The following AK9 variants were observed in gnomAD, a reference collection of about 807,000 sequenced individuals.
The protein encoded by AK9 is adenylate kinase domain containing 1.
A neutral mutation model predicts 239.6 loss-of-function variants in AK9; 191 were observed. The observed-to-expected ratio is 0.80, with a 90% confidence interval of 0.71 to 0.90. The LOEUF is 0.90. Ranked by LOEUF, AK9 falls within the 40% of genes least tolerant of loss-of-function variation. The probability of loss-of-function intolerance (pLI) is 0.00; values close to 1 mark genes in which losing one functional copy is unlikely to be tolerated. For missense variants in AK9, 1,995 were observed against 2,214.7 expected (o/e 0.90, Z 1.99); for synonymous variants, 689 against 721.0 (o/e 0.96, Z 0.71).
chr6:109,680,419 G>A (rs1359908664), intron 1 of AK9, among the ~76,000 whole-genome samples: 1 of 152,216 alleles, frequency 6.6e-6, no homozygotes, highest in East Asian at 1.9e-4. Context: ...AGAATAAAAA[G>A]GAACAAACAA....
At chr6:109,667,286 C>A (rs1801330386) in intron 5 of AK9, among the ~76,000 whole-genome samples, 1 of 132,764 alleles carries the variant, frequency 7.5e-6, no homozygotes, top group South Asian at 3.2e-4. Flanking sequence ...CCTCACCCAG[C>A]CCCCCACTCA....
intron 24 of AK9, among the ~76,000 whole-genome samples, chr6:109,550,762 T>G (rs977333946): frequency 2.0e-5 from 3 of 152,244 alleles, no homozygotes; most frequent in Non-Finnish European, 2.9e-5. Context: ...GGAAATATCC[T>G]ATTTAGCTCA....
At chr6:109,546,677 G>A (rs1447929853) in intron 25 of AK9, among the ~76,000 whole-genome samples, 1 of 152,166 alleles carries the variant, frequency 6.6e-6, no homozygotes, top group Non-Finnish European at 1.5e-5. Context: ...AAGGAGGAAC[G>A]GGGCTTCTTG....
At chr6:109,679,373 A>C (rs886321154) in intron 1 of AK9, among the ~76,000 whole-genome samples, 7 of 145,320 alleles carry the variant, frequency 4.8e-5, no homozygotes, top group Admixed American at 1.4e-4. Context: ...CAGCTCAGCA[A>C]AGCCTCTGTA....
At chr6:109,654,874 C>A (rs956318288) in intron 8 of AK9, among the ~76,000 whole-genome samples, 1 of 152,184 alleles carries the variant, frequency 6.6e-6, no homozygotes, top group Non-Finnish European at 1.5e-5. Flanking sequence ...CTTGGAGACA[C>A]ACTGAACTTT....
intron 17 of AK9, among the ~76,000 whole-genome samples, chr6:109,601,459 G>A (rs1006931811): frequency 1.3e-5 from 2 of 152,124 alleles, no homozygotes; most frequent in African/African-American, 2.4e-5. Flanking sequence ...TTATATTTCT[G>A]TTCTTTTACA....
chr6:109,546,338 A>C (rs561753751), intron 25 of AK9, among the ~76,000 whole-genome samples: 1 of 152,334 alleles, frequency 6.6e-6, no homozygotes, highest in African/African-American at 2.4e-5. Flanking sequence ...AGCACCAACA[A>C]CCATATATGA....
intron 24 of AK9, among the ~76,000 whole-genome samples, chr6:109,551,389 C>T (rs910273087): frequency 2.0e-5 from 3 of 151,724 alleles, no homozygotes; most frequent in South Asian, 2.1e-4. Context: ...CATGGTGGCG[C>T]GTGCCTGTAA....
intron 8 of AK9, among the ~76,000 whole-genome samples, chr6:109,651,196 C>A (rs1208492247): frequency 1.3e-5 from 2 of 151,534 alleles, no homozygotes; most frequent in African/African-American, 4.9e-5. Flanking sequence ...CAAACCTGCA[C>A]GTTGTGCACA....
At chr6:109,506,595 C>A in intron 34 of AK9, 48 bp from the exon 35 acceptor site, 2 of 1,538,296 alleles carry the variant, frequency 1.3e-6, no homozygotes, top group East Asian at 2.5e-5. Flanking sequence ...AAAAACATAT[C>A]TTTTCCCCCG....
chr6:109,623,862 GACACACACACAC>G lies in AK9; in HGVS notation c.1255-4638_1255-4627del, dbSNP rs567410173. Among the ~76,000 whole-genome samples, 13 of 136,190 alleles carry G rather than the reference GACACACACACAC, an allele frequency of 9.5e-5. No homozygotes were observed. The South Asian group carries it at 1.2e-3, about 13-fold the overall frequency. The allele number at this position is 136,190 out of a possible 152,430, so 89.3% of individuals were successfully genotyped here. A position where few individuals can be genotyped will look rare whatever the true frequency, so the allele number is the denominator to read the frequency against. ...AATGATGAACTAGTTAGGAATCTTA[GACACACACACAC>G]ACACACACACACACACACACACACA... On this transcript the variant is annotated intron_variant, in intron 12 of 40. Transcript: ENST00000424296.
chr6:109,534,225 A>AG (rs1176080598), intron 27 of AK9, among the ~76,000 whole-genome samples: 1 of 148,666 alleles, frequency 6.7e-6, no homozygotes, highest in Non-Finnish European at 1.5e-5. Context: ...CTTCTCAAAA[A>AG]AAAAAAAGAA....
chr6:109,521,429 C>G (rs978416192), intron 29 of AK9, among the ~76,000 whole-genome samples: 6 of 144,986 alleles, frequency 4.1e-5, no homozygotes, highest in African/African-American at 1.5e-4. Flanking sequence ...ATTGAGCTGT[C>G]CTCTTTAGAT....
intron 5 of AK9, among the ~76,000 whole-genome samples, chr6:109,663,337 G>A (rs2128320716): frequency 6.6e-6 from 1 of 152,122 alleles, no homozygotes; most frequent in Middle Eastern, 3.4e-3. Context: ...TCCTTCAGTG[G>A]GAATTAAAAG....
intron 24 of AK9, among the ~76,000 whole-genome samples, chr6:109,559,167 G>GTTT (rs79796830): frequency 0.54 from 78,583 of 144,910 alleles, 22,628 homozygotes; most frequent in South Asian, 0.77. Context: ...ATATCTATCT[G>GTTT]TTTTTTTTTT....
At chr6:109,586,102 T>C in intron 17 of AK9, 30 bp from the exon 18 acceptor site, 1 of 1,519,124 alleles carries the variant, frequency 6.6e-7, no homozygotes, top group East Asian at 2.5e-5. Flanking sequence ...GATATTACTA[T>C]CATAGCTTGA....
intron 17 of AK9, among the ~76,000 whole-genome samples, chr6:109,602,591 T>C (rs1792183268): frequency 6.6e-6 from 1 of 152,178 alleles, no homozygotes; most frequent in South Asian, 2.1e-4. Context: ...TGTGGCGTTC[T>C]CTGTATTTCC....
At position 109,691,163 on chromosome 6, in the gene AK9, C is replaced by T. The variant is rs976044855; in HGVS notation, c.-28G>A. The T allele has an allele frequency of 1.4e-5, 8 of 569,610 alleles. No individual in the cohort carries two copies. The highest frequency in any genetic ancestry group is 1.1e-4 in the South Asian group (5 of 45,592). 35.3% of individuals were successfully genotyped at this position (569,610 alleles called of 1,614,324 possible). On this transcript the variant is annotated 5_prime_UTR_variant, in exon 1 of 41. Coordinates refer to ENST00000424296, the MANE Select transcript of AK9 (RefSeq NM_001145128.3). Reference sequence around the variant, plus strand: ...AATCCTTACCAAAGATGGTGCCCTTCGCTTCCTCTCTCGGCAGCACGCAGG... The same window carrying T: ...AATCCTTACCAAAGATGGTGCCCTTTGCTTCCTCTCTCGGCAGCACGCAGG...
chr6:109,549,810 C>T (rs1260799075), intron 25 of AK9: 9 of 221,854 alleles, frequency 4.1e-5, no homozygotes, highest in African/African-American at 1.6e-4. Context: ...GGACTACAGG[C>T]GCGCGCCACC....
Sources: gnomAD v4.1 joint callset for allele counts (sites outside exome capture counted in the v4.1 genomes callset) on GRCh38, gnomAD v4.1.1 for gene constraint, MANE v1.5 for transcripts, NCBI Gene and HGNC (gene_info 2026-07-23, HGNC 2026-07-21) for gene names.